NOS1AP: variants seen among roughly 807,000 people sequenced by gnomAD.
NOS1AP encodes nitric oxide synthase 1 adaptor protein.
Under a neutral mutation model 56.2 loss-of-function variants are expected in NOS1AP, and 21 were observed. The ratio of observed to expected loss-of-function variants is 0.37; its 90% CI spans 0.26 to 0.54. NOS1AP has a LOEUF of 0.54. Ranked by LOEUF, NOS1AP falls within the 20% of genes least tolerant of loss-of-function variation. The pLI is 0.84. For missense variants in NOS1AP, 522 were observed against 657.8 expected, an observed-to-expected ratio of 0.79 and a Z score of 2.26; for synonymous variants, 270 against 274.6, an observed-to-expected ratio of 0.98 and a Z score of 0.17.
rs779347982 is a variant in NOS1AP, at chr1:162,365,454, G to A, written c.990G>A (p.Glu330=). The A allele has an allele frequency of 2.5e-6, 4 of 1,614,080 alleles. No homozygotes were observed. The East Asian group carries it at 8.9e-5, about 36-fold the overall frequency. ...CTGCTGAGGCTGCGGCGCGGCTGGA[G>A]GCCCAGGCTCGCGTGCATCAGCTTT... is the stretch of plus-strand genomic sequence containing the variant. ...QLAAEAAARL[E]AQARVHQLLL... is the part of the protein sequence containing the mutation. Residue 330 remains glutamate (E), a synonymous_variant, in exon 9 of 10, where the codon GAG becomes GAA. Transcript: ENST00000361897.
At position 162,082,027 on chromosome 1, in the gene NOS1AP, C is replaced by A. The variant is rs190674206; in HGVS notation, c.105+11745C>A. On this transcript the variant is annotated intron_variant, in intron 1 of 9. Transcript: ENST00000361897. Reference sequence around the variant, plus strand: ...TGGGGGTTTGTTGTACAGATTATTTCATCACTCAGGTATTAAACCTAGGAC... The same window carrying A: ...TGGGGGTTTGTTGTACAGATTATTTAATCACTCAGGTATTAAACCTAGGAC... Among the ~76,000 whole-genome samples, 32 of 151,846 alleles carry A rather than the reference C, an allele frequency of 2.1e-4. 1 individual carries two copies. Among genetic ancestry groups the A allele is most frequent in the African/African-American group, 6.3e-4 (26 of 41,412 alleles).
At chr1:162,278,580 A>C (rs895428750) in intron 2 of NOS1AP, among the ~76,000 whole-genome samples, 31 of 152,132 alleles carry the variant, frequency 2.0e-4, no homozygotes, top group African/African-American at 6.0e-4. Context: ...CATTTGTCTC[A>C]TACCCACTTT....
intron 2 of NOS1AP, among the ~76,000 whole-genome samples, chr1:162,221,534 G>GCACACA (rs35920520): frequency 0.075 from 5,482 of 73,222 alleles, 160 homozygotes; most frequent in African/African-American, 0.098. Flanking sequence ...ACACACGCGC[G>GCACACA]CACACACACA....
intron 3 of NOS1AP, among the ~76,000 whole-genome samples, chr1:162,294,850 T>C (rs1054190132): frequency 2.0e-4 from 31 of 152,314 alleles, no homozygotes; most frequent in African/African-American, 7.2e-4. Flanking sequence ...GACTAATTAA[T>C]CTGCTCCACC....
At chr1:162,097,375 T>C (rs1014204802) in intron 1 of NOS1AP, among the ~76,000 whole-genome samples, 10 of 152,214 alleles carry the variant, frequency 6.6e-5, no homozygotes, top group Admixed American at 6.5e-4. Flanking sequence ...TGGTATCTTC[T>C]GATGTATGGA....
intron 2 of NOS1AP, among the ~76,000 whole-genome samples, chr1:162,207,866 G>A (rs900525105): frequency 6.6e-6 from 1 of 152,084 alleles, no homozygotes; most frequent in African/African-American, 2.4e-5. Context: ...TTCTTATAAT[G>A]CACATATTAA....
chr1:162,275,283 T>C (rs1351918103), intron 2 of NOS1AP, among the ~76,000 whole-genome samples: 1 of 152,120 alleles, frequency 6.6e-6, no homozygotes, highest in Non-Finnish European at 1.5e-5. Context: ...GTTCCAGCGA[T>C]TCTCTTGCCT....
At chr1:162,357,258 T>C in intron 8 of NOS1AP, 122 bp downstream of exon 8, 5 of 1,503,718 alleles carry the variant, frequency 3.3e-6, no homozygotes, top group South Asian at 1.2e-5. Context: ...GCTCATGCTA[T>C]TGGATCATTG....
intron 1 of NOS1AP, among the ~76,000 whole-genome samples, chr1:162,126,061 C>T (rs1648474794): frequency 6.6e-6 from 1 of 151,800 alleles, no homozygotes; most frequent in East Asian, 1.9e-4. Flanking sequence ...GAATTGAGTT[C>T]TTGATTTGAT....
intron 3 of NOS1AP, 128 bp downstream of exon 3, chr1:162,287,564 AG>A: frequency 1.3e-6 from 1 of 749,192 alleles, no homozygotes; most frequent in Non-Finnish European, 2.4e-6. Context: ...TTCTGCTTTG[AG>A]CAGCAATGGT....
intron 4 of NOS1AP, among the ~76,000 whole-genome samples, chr1:162,322,097 AAG>A (rs1656442089): frequency 1.3e-5 from 2 of 152,194 alleles, no homozygotes; most frequent in African/African-American, 4.8e-5. Flanking sequence ...AAAAAAGAAA[AAG>A]ACACTAGATT....
At chr1:162,232,879 A>G (rs1571147535) in intron 2 of NOS1AP, among the ~76,000 whole-genome samples, 1 of 152,310 alleles carries the variant, frequency 6.6e-6, no homozygotes, top group East Asian at 1.9e-4. Flanking sequence ...ACCCTATGAT[A>G]CATAGGTATG....
chr1:162,272,655 T>C (rs964299861), intron 2 of NOS1AP, among the ~76,000 whole-genome samples: 1 of 152,182 alleles, frequency 6.6e-6, no homozygotes, highest in Non-Finnish European at 1.5e-5. Context: ...ATTTATCTTG[T>C]CCTTTTGTCT....
chr1:162,318,567 T>C (rs571172699), intron 4 of NOS1AP, among the ~76,000 whole-genome samples: 7 of 151,604 alleles, frequency 4.6e-5, no homozygotes, highest in African/African-American at 9.7e-5. Context: ...CTGCTCAGTA[T>C]TTTTTTTTCT....
Position 162,367,534 on chromosome 1 carries a change from T to G in NOS1AP, c.*67T>G, listed in dbSNP as rs1571251985. On this transcript the variant is annotated 3_prime_UTR_variant, in exon 10 of 10. Coordinates refer to ENST00000361897, the MANE Select transcript of NOS1AP (RefSeq NM_014697.3). The surrounding 1 kb of genome is among the most constrained non-coding windows in gnomAD (Gnocchi z 6.5). ...GGGCCGTGTCTGGCTGCTGCCCGGG[T>G]AGGGGATGCCCAGTGAATGTGCACT... The G allele has an allele frequency of 2.7e-6, 4 of 1,467,182 alleles. No individual in the cohort carries two copies. The highest frequency in any genetic ancestry group is 3.6e-6 in the Non-Finnish European group (4 of 1,099,142). The allele number at this position is 1,467,182 out of a possible 1,614,324, so 90.9% of individuals were successfully genotyped here. A position where few individuals can be genotyped will look rare whatever the true frequency, so the allele number is the denominator to read the frequency against.
At chr1:162,094,460 C>T (rs1338079737) in intron 1 of NOS1AP, among the ~76,000 whole-genome samples, 1 of 152,232 alleles carries the variant, frequency 6.6e-6, no homozygotes, top group Non-Finnish European at 1.5e-5. Context: ...CCACAAAACC[C>T]GTAAAACAGA....
At chr1:162,263,140 A>G (rs149502388) in intron 2 of NOS1AP, among the ~76,000 whole-genome samples, 1 of 152,218 alleles carries the variant, frequency 6.6e-6, no homozygotes. Flanking sequence ...GTAGGAAAAA[A>G]ATCCCTTCTA....
chr1:162,364,390 T>C (rs1414909779), intron 8 of NOS1AP: 2 of 985,352 alleles, frequency 2.0e-6, no homozygotes, highest in Non-Finnish European at 2.4e-6. Context: ...CTTTATTCAC[T>C]TCTTTGCACA....
chr1:162,255,746 G>A (rs541787325), intron 2 of NOS1AP, among the ~76,000 whole-genome samples: 22 of 152,150 alleles, frequency 1.4e-4, no homozygotes, highest in African/African-American at 5.3e-4. Flanking sequence ...TCACAAACAA[G>A]AGAAACGTTG....
Sources: gnomAD v4.1 joint callset for allele counts (sites outside exome capture counted in the v4.1 genomes callset) on GRCh38, gnomAD v4.1.1 for gene constraint, Gnocchi (gnomAD v3.1) non-coding constraint, MANE v1.5 for transcripts, NCBI Gene and HGNC (gene_info 2026-07-23, HGNC 2026-07-21) for gene names.